FTO: variants seen among roughly 807,000 people sequenced by gnomAD.
FTO encodes the protein FTO alpha-ketoglutarate dependent dioxygenase, also known as alpha-ketoglutarate-dependent dioxygenase FTO.
FTO carries 47 observed loss-of-function variants against 63.9 expected under a neutral mutation model. That is an observed-to-expected ratio of 0.74 (90% CI 0.58 to 0.94). The LOEUF is 0.94. FTO is among the 40% of genes least tolerant of loss of function. FTO has a pLI of 0.00. For synonymous variants in FTO, 207 were observed against 224.4 expected, an observed-to-expected ratio of 0.92 and a Z score of 0.69; for missense variants, 562 against 618.1, an observed-to-expected ratio of 0.91 and a Z score of 0.96.
chr16:54,012,634 GGGCTAATATAGCT>G (rs1481824321), intron 8 of FTO, among the ~76,000 whole-genome samples: 1 of 152,052 alleles, frequency 6.6e-6, no homozygotes, highest in Non-Finnish European at 1.5e-5. Context: ...CTCTTTTTAG[GGGCTAATATAGCT>G]GGTAACTTTA....
chr16:53,789,536 CAT>C (rs2077838596), intron 1 of FTO, among the ~76,000 whole-genome samples: 1 of 152,086 alleles, frequency 6.6e-6, no homozygotes, highest in African/African-American at 2.4e-5. Flanking sequence ...GCCAAAAAAT[CAT>C]GTATGGTTGA....
At chr16:53,873,259 T>C (rs1401627093) in intron 4 of FTO, among the ~76,000 whole-genome samples, 4 of 152,082 alleles carry the variant, frequency 2.6e-5, no homozygotes, top group Admixed American at 1.3e-4. Flanking sequence ...AATTCATATA[T>C]AGTGAATTTT....
intron 7 of FTO, among the ~76,000 whole-genome samples, chr16:53,932,319 A>G (rs1259370100): frequency 6.6e-6 from 1 of 151,504 alleles, no homozygotes; most frequent in Non-Finnish European, 1.5e-5. Flanking sequence ...TTCACAATGG[A>G]GGTACTATTT....
chr16:54,024,414 G>C (rs1680842280), intron 8 of FTO, among the ~76,000 whole-genome samples: 1 of 151,774 alleles, frequency 6.6e-6, no homozygotes, highest in South Asian at 2.1e-4. Context: ...ATTTTTAGTA[G>C]AGACGGGGTC....
At chr16:53,748,662 G>T (rs1260944457) in intron 1 of FTO, among the ~76,000 whole-genome samples, 1 of 152,124 alleles carries the variant, frequency 6.6e-6, no homozygotes, top group East Asian at 1.9e-4. Flanking sequence ...CGCCATGTTG[G>T]CCAGGCTGGT....
Position 53,898,001 on chromosome 16 carries a change from C to T in FTO, c.1239+9050C>T, listed in dbSNP as rs12920255. Among the ~76,000 whole-genome samples the T allele has an allele frequency of 7.8e-3, 1,181 of 152,280 alleles. 12 individuals are homozygous for T. The highest frequency in any genetic ancestry group is 0.012 in the Admixed American group (190 of 15,290). On this transcript the variant is annotated intron_variant, in intron 7 of 8. Coordinates refer to ENST00000471389, the MANE Select transcript of FTO (RefSeq NM_001080432.3). ...GTGCTACCACCTTGGTAAAAACTAC[C>T]ATCGTTTATAAAATAGCCTCTCAAC...
chr16:53,913,516 T>G (rs2081770650), intron 7 of FTO, among the ~76,000 whole-genome samples: 1 of 152,208 alleles, frequency 6.6e-6, no homozygotes, highest in African/African-American at 2.4e-5. Flanking sequence ...GCCCAGTGAC[T>G]TTAGAGATTA....
intron 1 of FTO, among the ~76,000 whole-genome samples, chr16:53,779,390 C>T (rs1299981099): frequency 1.3e-5 from 2 of 152,092 alleles, no homozygotes; most frequent in African/African-American, 4.8e-5. Flanking sequence ...TGGAGTCTCC[C>T]CTTAACTGGT....
chr16:53,767,589 T>C (rs2077240845), intron 1 of FTO, among the ~76,000 whole-genome samples: 1 of 152,134 alleles, frequency 6.6e-6, no homozygotes, highest in Admixed American at 6.5e-5. Flanking sequence ...TATGAATTTT[T>C]TTTTTAAACA....
upstream of FTO, chr16:53,704,142 G>C: frequency 6.5e-7 from 1 of 1,547,420 alleles, no homozygotes; most frequent in East Asian, 2.4e-5. Flanking sequence ...CAGGGCGAGG[G>C]ATCTACGCAG....
At chr16:53,708,038 G>A (rs2075670290) in intron 1 of FTO, among the ~76,000 whole-genome samples, 1 of 152,166 alleles carries the variant, frequency 6.6e-6, no homozygotes, top group Non-Finnish European at 1.5e-5. Context: ...TTGGTACTTT[G>A]TTCCTTTTTA....
intron 8 of FTO, among the ~76,000 whole-genome samples, chr16:53,941,130 C>T (rs1322070430): frequency 6.6e-6 from 1 of 152,224 alleles, no homozygotes; most frequent in Non-Finnish European, 1.5e-5. Flanking sequence ...TGCCTCCTAG[C>T]TAGTCACGGA....
Position 53,945,857 on chromosome 16 carries a change from G to A in FTO, c.1364+11748G>A, listed in dbSNP as rs117303902. ...CGTTAGTCAAGGCTGATTTCAGTGG[G>A]TGCCCTTAAGGTGAAAGGGTAGCAA... On this transcript the variant is annotated intron_variant, in intron 8 of 8. Coordinates refer to ENST00000471389, the MANE Select transcript of FTO (RefSeq NM_001080432.3). 1.3e-4 allele frequency among the ~76,000 whole-genome samples: 20 copies of A among 152,298 alleles called. No individual in the cohort carries two copies. In the East Asian group the frequency reaches 3.9e-3, roughly 29 times the overall value.
At chr16:53,886,978 A>G (rs1043571898) in intron 6 of FTO, 3 of 152,238 alleles carry the variant, frequency 2.0e-5, no homozygotes, top group African/African-American at 7.2e-5. Flanking sequence ...TAAGATCGGT[A>G]GCATTGTACC....
At chr16:53,984,347 T>TTG (rs2083616734) in intron 8 of FTO, among the ~76,000 whole-genome samples, 1 of 145,404 alleles carries the variant, frequency 6.9e-6, no homozygotes, top group East Asian at 2.0e-4. Flanking sequence ...TTTTTTTTTT[T>TTG]TGACTCACTC....
intron 7 of FTO, among the ~76,000 whole-genome samples, chr16:53,931,871 A>AAC (rs35135177): frequency 0.079 from 11,561 of 145,676 alleles, 642 homozygotes; most frequent in African/African-American, 0.17. Context: ...TTTTACATTA[A>AAC]ACACACACAC....
chr16:53,850,586 T>C (rs2079761599), intron 4 of FTO, among the ~76,000 whole-genome samples: 1 of 152,330 alleles, frequency 6.6e-6, no homozygotes, highest in African/African-American at 2.4e-5. Context: ...ATCCAGGTTT[T>C]TGCTCATTTC....
chr16:53,722,610 C>A (rs1440277923), intron 1 of FTO, among the ~76,000 whole-genome samples: 2 of 152,042 alleles, frequency 1.3e-5, no homozygotes, highest in Non-Finnish European at 1.5e-5. Flanking sequence ...AGGTGGATCA[C>A]AAGATCATGA....
intron 7 of FTO, among the ~76,000 whole-genome samples, chr16:53,909,783 C>T (rs2081639524): frequency 6.6e-6 from 1 of 151,932 alleles, no homozygotes; most frequent in Non-Finnish European, 1.5e-5. Context: ...AGGCTGGTCT[C>T]GAACTCCTGA....
Sources: gnomAD v4.1 joint callset for allele counts (sites outside exome capture counted in the v4.1 genomes callset) on GRCh38, gnomAD v4.1.1 for gene constraint, MANE v1.5 for transcripts, NCBI Gene and HGNC (gene_info 2026-07-23, HGNC 2026-07-21) for gene names.